Variants in ZNF705G observed in about 807,000 individuals in gnomAD.
ZNF705G encodes zinc finger protein 705G, also known as putative zinc finger protein 705G.
ZNF705G carries 23 observed loss-of-function variants against 19.6 expected under a neutral mutation model. The ratio of observed to expected loss-of-function variants is 1.17; its 90% confidence interval spans 0.84 to 1.66. The LOEUF (loss-of-function observed/expected upper bound fraction) is 1.66. Ranked by LOEUF, ZNF705G falls within the 40% of genes most tolerant of loss-of-function variation. The pLI is 0.00. For synonymous variants in ZNF705G, 146 were observed against 117.7 expected, an observed-to-expected ratio of 1.24 and a Z score of -1.56; for missense variants, 457 against 354.4, an observed-to-expected ratio of 1.29 and a Z score of -2.32.
At chr8:7,365,580 C>A (rs1397410156) in intron 2 of ZNF705G, among the ~76,000 whole-genome samples, 1 of 149,034 alleles carries the variant, frequency 6.7e-6, no homozygotes, top group African/African-American at 2.6e-5. Flanking sequence ...ATTTTGGTCG[C>A]GCTGGTCTAA....
At chr8:7,379,018 G>T (rs568989808) in intron 2 of ZNF705G, among the ~76,000 whole-genome samples, 1 of 150,330 alleles carries the variant, frequency 6.7e-6, no homozygotes, top group Non-Finnish European at 1.5e-5. Flanking sequence ...CACAACTTTA[G>T]TGGCTTTGTG....
At chr8:7,367,576 G>C (rs148642922) in intron 2 of ZNF705G, among the ~76,000 whole-genome samples, 7 of 149,650 alleles carry the variant, frequency 4.7e-5, no homozygotes, top group Non-Finnish European at 1.0e-4. Flanking sequence ...GTGCATGCCG[G>C]AAACTCTCCC....
chr8:7,356,052 A>G lies in ZNF705G; in HGVS notation c.*1924T>C, dbSNP rs1585401533. ...GCAAAATTTCAAGTCATCCCACTTA[A>G]TATTCAGGAAACATTTTCTCTTCAG... On this transcript the variant is annotated 3_prime_UTR_variant, in exon 7 of 7. Coordinates refer to ENST00000400156, the MANE Select transcript of ZNF705G (RefSeq NM_001164457.3). 1.3e-5 allele frequency: 2 copies of G among 149,588 alleles called. No homozygotes were observed. The highest frequency in any genetic ancestry group is 1.3e-4 in the Admixed American group (2 of 15,254). 9.3% of individuals were successfully genotyped at this position (149,588 alleles called of 1,614,324 possible). A position where few individuals can be genotyped will look rare whatever the true frequency, so the allele number is the denominator to read the frequency against.
intron 4 of ZNF705G, among the ~76,000 whole-genome samples, chr8:7,360,809 A>T (rs1369751737): frequency 6.7e-6 from 1 of 149,614 alleles, no homozygotes; most frequent in Non-Finnish European, 1.5e-5. Flanking sequence ...ATTTAATTTA[A>T]TACACTGAAA....
At chr8:7,365,600 C>A (rs1349471699) in intron 2 of ZNF705G, among the ~76,000 whole-genome samples, 3 of 149,238 alleles carry the variant, frequency 2.0e-5, no homozygotes, top group African/African-American at 5.2e-5. Context: ...AAACTCCTGA[C>A]CTCAGGTGAT....
intron 2 of ZNF705G, among the ~76,000 whole-genome samples, chr8:7,367,127 T>G (rs11984912): frequency 6.7e-6 from 1 of 148,688 alleles, no homozygotes; most frequent in African/African-American, 2.6e-5. Context: ...TATGAGAATG[T>G]GAAGTAACAA....
At chr8:7,385,185 C>T (rs1186507987) in intron 1 of ZNF705G, among the ~76,000 whole-genome samples, 1 of 148,242 alleles carries the variant, frequency 6.7e-6, no homozygotes, top group African/African-American at 2.7e-5. Context: ...TCAGGTGGGT[C>T]ATGGTGGGCC....
At chr8:7,359,474 A>T in intron 6 of ZNF705G, 145 bp downstream of exon 6, 1 of 1,414,518 alleles carries the variant, frequency 7.1e-7, no homozygotes, top group Non-Finnish European at 9.5e-7. Context: ...TATTCACTAA[A>T]TTCAAAGTAT....
rs567866290 is a variant in ZNF705G, at chr8:7,357,740, A to C, written c.*236T>G. 1.5e-5 allele frequency: 11 copies of C among 741,946 alleles called. 1 individual carries two copies. The highest frequency in any genetic ancestry group is 2.1e-5 in the Non-Finnish European group (10 of 478,932). 46.0% of individuals were successfully genotyped at this position (741,946 alleles called of 1,614,324 possible). A position where few individuals can be genotyped will look rare whatever the true frequency, so the allele number is the denominator to read the frequency against. On this transcript the variant is annotated 3_prime_UTR_variant, in exon 7 of 7. Coordinates refer to ENST00000400156, the MANE Select transcript of ZNF705G (RefSeq NM_001164457.3). ...ATGTTGATTACAGTATTTCTTCAAA[A>C]TGTGAGTCCTTTGGCATGTTTAGAT...
chr8:7,357,432 T>G lies in ZNF705G; in HGVS notation c.*544A>C, dbSNP rs1178881732. On this transcript the variant is annotated 3_prime_UTR_variant, in exon 7 of 7. Coordinates refer to ENST00000400156, the MANE Select transcript of ZNF705G (RefSeq NM_001164457.3). ...TTCACAGAAAATACAAATAAAGGGTTCATCCAAGTAAAGTTTTCTCATGTT... is the reference window on the plus strand; with the variant it reads ...TTCACAGAAAATACAAATAAAGGGTGCATCCAAGTAAAGTTTTCTCATGTT... The G allele has an allele frequency of 6.0e-6, 1 of 165,380 alleles. No homozygotes were observed. 10.2% of individuals were successfully genotyped at this position (165,380 alleles called of 1,614,324 possible). A position where few individuals can be genotyped will look rare whatever the true frequency, so the allele number is the denominator to read the frequency against.
At chr8:7,382,914 T>C (rs1807557750) in intron 1 of ZNF705G, among the ~76,000 whole-genome samples, 2 of 147,220 alleles carry the variant, frequency 1.4e-5, no homozygotes, top group Non-Finnish European at 2.9e-5. Context: ...TTGTACCTAA[T>C]AGGTAGTTTT....
At chr8:7,377,939 GT>G (rs1230593999) in intron 2 of ZNF705G, among the ~76,000 whole-genome samples, 1 of 91,308 alleles carries the variant, frequency 1.1e-5, no homozygotes, top group Non-Finnish European at 1.9e-5. Context: ...GGGTGACAGA[GT>G]AAGACACTGT....
rs751742097 is a variant in ZNF705G, at chr8:7,358,160, G to C, written c.719C>G (p.Ser240Cys). Residue 240 changes from serine to cysteine, a missense_variant, in exon 7 of 7, where the codon TCC (serine) becomes TGC (cysteine). By Grantham distance (112) the Ser-to-Cys change is moderately radical (BLOSUM62 -1). Coordinates refer to ENST00000400156, the MANE Select transcript of ZNF705G (RefSeq NM_001164457.3). ...CHQYGKVFIQ[S>C]FNLQRHERTH... Reference sequence around the variant, plus strand: ...TCTCTCATGTCTTTGAAGGTTAAAGGATTGAATAAAGACTTTCCCATATTG... The same window carrying C: ...TCTCTCATGTCTTTGAAGGTTAAAGCATTGAATAAAGACTTTCCCATATTG... 6.2e-7 allele frequency: 1 copy of C among 1,607,428 alleles called. No individual in the cohort carries two copies. The highest frequency in any genetic ancestry group is 8.5e-7 in the Non-Finnish European group (1 of 1,179,604).
chr8:7,356,458 G>T lies in ZNF705G; in HGVS notation c.*1518C>A, dbSNP rs1806255228. On this transcript the variant is annotated 3_prime_UTR_variant, in exon 7 of 7. Transcript: ENST00000400156. ...TTCTCTGATCCCAGTTAACTGCCTAGAGACAGAGGAAAGGGCTGCGGACAC... is the reference window on the plus strand; with the variant it reads ...TTCTCTGATCCCAGTTAACTGCCTATAGACAGAGGAAAGGGCTGCGGACAC... 6.7e-6 allele frequency: 1 copy of T among 149,834 alleles called. No individual in the cohort carries two copies. The highest frequency in any genetic ancestry group is 1.5e-5 in the Non-Finnish European group (1 of 68,112). The allele number at this position is 149,834 out of a possible 1,614,324, so 9.3% of individuals were successfully genotyped here.
intron 2 of ZNF705G, among the ~76,000 whole-genome samples, chr8:7,366,567 C>G (rs1196330355): frequency 1.3e-5 from 2 of 149,522 alleles, no homozygotes; most frequent in Non-Finnish European, 2.9e-5. Context: ...TTTTAAAGTA[C>G]ATGATGAAAA....
Position 7,385,432 on chromosome 8 carries a change from G to A in ZNF705G, c.-222+66C>T, listed in dbSNP as rs1273858354. On this transcript the variant is annotated intron_variant, in intron 1 of 6. Transcript: ENST00000400156. ...TTCCTGTCTCCTACACTTACACCCT[G>A]AAAGCAAGCCTCTTTATTGCCTCCC... is the stretch of plus-strand genomic sequence containing the variant. The A allele has an allele frequency of 2.7e-5, 4 of 149,192 alleles. No individual in the cohort carries two copies. In the East Asian group the frequency reaches 7.7e-4, roughly 29 times the overall value. 9.2% of individuals were successfully genotyped at this position (149,192 alleles called of 1,614,324 possible).
rs184279826 is a variant in ZNF705G at position 7,357,011 on chromosome 8, C to A, written c.*965G>T. 9 of 149,984 alleles carry A rather than the reference C, an allele frequency of 6.0e-5. No homozygotes were observed. In the East Asian group the frequency reaches 1.7e-3, roughly 29 times the overall value. The allele number at this position is 149,984 out of a possible 1,614,324, so 9.3% of individuals were successfully genotyped here. ...TTAAGAGTTTTTTCTAGGGGTCCAA[C>A]TTCTTGACTCACTTTTCTGATGAGA... On this transcript the variant is annotated 3_prime_UTR_variant, in exon 7 of 7. Transcript: ENST00000400156.
At chr8:7,383,564 G>T (rs1296784378) in intron 1 of ZNF705G, among the ~76,000 whole-genome samples, 1 of 146,634 alleles carries the variant, frequency 6.8e-6, no homozygotes, top group Non-Finnish European at 1.5e-5. Context: ...GTAAGGAAGT[G>T]CTGTGGCCTG....
At position 7,357,938 on chromosome 8, in the gene ZNF705G, C is replaced by T; in HGVS notation, c.*38G>A. ...TCTGAAGGCTTTCCCACATAAATGG[C>T]ATTCATATGGCTTTTCTCCAGTGCG... On this transcript the variant is annotated 3_prime_UTR_variant, in exon 7 of 7. Coordinates refer to ENST00000400156, the MANE Select transcript of ZNF705G (RefSeq NM_001164457.3). 3 of 1,606,336 alleles carry T rather than the reference C, an allele frequency of 1.9e-6. No individual in the cohort carries two copies. The highest frequency in any genetic ancestry group is 1.1e-5 in the South Asian group (1 of 90,076).
Sources: allele counts gnomAD v4.1 joint callset (sites outside exome capture counted in the v4.1 genomes callset), GRCh38; gene constraint gnomAD v4.1.1; transcripts MANE v1.5; gene names NCBI Gene and HGNC (gene_info 2026-07-23, HGNC 2026-07-21).